SLC26A7: variants seen among roughly 807,000 people sequenced by gnomAD.
SLC26A7 encodes the protein anion exchange transporter.
Under a neutral mutation model 82.5 loss-of-function variants are expected in SLC26A7, and 59 were observed. The ratio of observed to expected loss-of-function variants is 0.72; its 90% CI spans 0.58 to 0.89. The LOEUF (loss-of-function observed/expected upper bound fraction) is 0.89. Ranked by LOEUF, SLC26A7 falls within the 40% of genes least tolerant of loss-of-function variation. The probability of loss-of-function intolerance (pLI) is 0.00; values close to 1 mark genes in which losing one functional copy is unlikely to be tolerated. For synonymous variants in SLC26A7, 271 were observed against 274.3 expected, an observed-to-expected ratio of 0.99 and a Z score of 0.12; for missense variants, 820 against 793.0, an observed-to-expected ratio of 1.03 and a Z score of -0.41.
intron 2 of SLC26A7, among the ~76,000 whole-genome samples, chr8:91,287,060 C>T (rs551071334): frequency 1.4e-3 from 209 of 151,756 alleles, no homozygotes; most frequent in African/African-American, 3.1e-3. Context: ...CCATTGAGGG[C>T]GAATGATATT....
At chr8:91,351,783 C>T (rs1813722733) in intron 9 of SLC26A7, 27 bp from the exon 10 acceptor site, 1 of 1,529,118 alleles carries the variant, frequency 6.5e-7, no homozygotes, top group Non-Finnish European at 9.0e-7. Flanking sequence ...CTTTCTTTTT[C>T]CTTTTTGTCT....
At chr8:91,302,818 C>CTTTTTTTTTTTTT (rs11333572) in intron 4 of SLC26A7, among the ~76,000 whole-genome samples, 2 of 129,632 alleles carry the variant, frequency 1.5e-5, no homozygotes, top group African/African-American at 5.8e-5. Flanking sequence ...TTCCCCTTCT[C>CTTTTTTTTTTTTT]TTTTTTTTTT....
chr8:91,334,811 A>G (rs763987638), intron 6 of SLC26A7, among the ~76,000 whole-genome samples: 75 of 152,130 alleles, frequency 4.9e-4, no homozygotes, highest in Non-Finnish European at 6.3e-4. Context: ...ATCATTTCCT[A>G]TTTATATGGC....
chr8:91,229,078 C>A (rs1323260816), intron 2 of SLC26A7, among the ~76,000 whole-genome samples: 1 of 152,160 alleles, frequency 6.6e-6, no homozygotes, highest in Non-Finnish European at 1.5e-5. Context: ...AAAGGGATTC[C>A]TTTAAAATGT....
At chr8:91,378,188 A>G (rs1386009018) in intron 15 of SLC26A7, among the ~76,000 whole-genome samples, 1 of 151,856 alleles carries the variant, frequency 6.6e-6, no homozygotes, top group Non-Finnish European at 1.5e-5. Flanking sequence ...AAAGGGAGCA[A>G]ACAAGGGAGG....
At chr8:91,327,204 TTTTG>T (rs1052033899) in intron 5 of SLC26A7, among the ~76,000 whole-genome samples, 3 of 152,046 alleles carry the variant, frequency 2.0e-5, no homozygotes, top group Admixed American at 6.6e-5. Context: ...TTTGCTTGTT[TTTTG>T]TTTGTTTGTT....
At chr8:91,343,521 A>G in intron 9 of SLC26A7, 55 bp downstream of exon 9, 2 of 1,210,714 alleles carry the variant, frequency 1.7e-6, no homozygotes, top group East Asian at 4.7e-5. Context: ...CTCCCATTCT[A>G]GGAGAGTGGG....
At chr8:91,385,118 T>C (rs1242827677) in intron 15 of SLC26A7, among the ~76,000 whole-genome samples, 1 of 152,172 alleles carries the variant, frequency 6.6e-6, no homozygotes, top group Non-Finnish European at 1.5e-5. Context: ...CCACACCTGA[T>C]GGTTAATTTC....
intron 4 of SLC26A7, among the ~76,000 whole-genome samples, chr8:91,312,996 C>T (rs964802081): frequency 3.9e-5 from 6 of 151,992 alleles, no homozygotes; most frequent in Admixed American, 6.6e-5. Context: ...AAAGTTTTCA[C>T]GAAGCCCAAT....
rs925851432 is a variant in SLC26A7 at position 91,393,712 on chromosome 8, A to G, written c.1777-85A>G. On this transcript the variant is annotated intron_variant, in intron 16 of 18. Coordinates refer to ENST00000276609, the MANE Select transcript of SLC26A7 (RefSeq NM_052832.4). ...CTTCGTAAACATCGGCTTTAAAGAA[A>G]GTTTGATTTCTTCTGAAGCCCATCT... 16 of 1,441,076 alleles carry G rather than the reference A, an allele frequency of 1.1e-5. No homozygotes were observed. In the Admixed American group the frequency reaches 2.9e-4, roughly 26 times the overall value. The allele number at this position is 1,441,076 out of a possible 1,614,324, so 89.3% of individuals were successfully genotyped here. A position where few individuals can be genotyped will look rare whatever the true frequency, so the allele number is the denominator to read the frequency against.
chr8:91,289,787 A>C (rs1811815134), intron 3 of SLC26A7, among the ~76,000 whole-genome samples: 2 of 152,234 alleles, frequency 1.3e-5, no homozygotes, highest in Admixed American at 6.5e-5. Context: ...ATGTGGACTA[A>C]ATGATGATCT....
At chr8:91,273,836 TCC>T (rs1419715009) in intron 2 of SLC26A7, among the ~76,000 whole-genome samples, 11 of 152,332 alleles carry the variant, frequency 7.2e-5, no homozygotes, top group South Asian at 6.2e-4. Flanking sequence ...ACATTAATTA[TCC>T]TATAAATTGC....
Position 91,395,355 on chromosome 8 carries a change from C to G in SLC26A7, c.*258C>G. 1 of 706,806 alleles carries G rather than the reference C, an allele frequency of 1.4e-6. No homozygotes were observed. Among genetic ancestry groups the G allele is most frequent in the Non-Finnish European group, 1.9e-6 (1 of 514,222 alleles). 43.8% of individuals were successfully genotyped at this position (706,806 alleles called of 1,614,324 possible). ...TAGTTTTAGTGTACTGAAGGGTAAA[C>G]ATGGTTTTATTTTATTTTACCATAT... On this transcript the variant is annotated 3_prime_UTR_variant, in exon 19 of 19. Coordinates refer to ENST00000276609, the MANE Select transcript of SLC26A7 (RefSeq NM_052832.4).
chr8:91,220,501 C>A (rs751042251), intron 2 of SLC26A7, among the ~76,000 whole-genome samples: 20 of 151,940 alleles, frequency 1.3e-4, no homozygotes, highest in Non-Finnish European at 2.8e-4. Flanking sequence ...CCCCTCCCCT[C>A]ATCCCCTATC....
intron 2 of SLC26A7, among the ~76,000 whole-genome samples, chr8:91,267,405 A>G (rs2130727975): frequency 6.6e-6 from 1 of 151,930 alleles, no homozygotes; most frequent in African/African-American, 2.4e-5. Flanking sequence ...TTCTTTGATG[A>G]GAAGAGTTTT....
chr8:91,226,565 G>GCC (rs1810242366), intron 2 of SLC26A7, among the ~76,000 whole-genome samples: 1 of 152,116 alleles, frequency 6.6e-6, no homozygotes, highest in Non-Finnish European at 1.5e-5. Flanking sequence ...TCACTTATTA[G>GCC]ATAAATATTA....
At chr8:91,385,586 T>C (rs1052442183) in intron 15 of SLC26A7, among the ~76,000 whole-genome samples, 3 of 152,214 alleles carry the variant, frequency 2.0e-5, no homozygotes, top group African/African-American at 7.2e-5. Context: ...CTTTACTTTA[T>C]TTTTATTTTT....
Position 91,352,909 on chromosome 8 carries a change from T to C in SLC26A7, c.1227T>C (p.Leu409=), listed in dbSNP as rs1813758647. The C allele has an allele frequency of 1.9e-6, 3 of 1,601,766 alleles. No homozygotes were observed. The East Asian group carries it at 6.8e-5, about 36-fold the overall frequency. ...PLLYWLPMCV[L]ASIIVVGLKG... ...TTACGTTTTATTTCTAGTGTGTCCT[T>C]GCAAGCATTATTGTTGTGGGACTGA... is the stretch of plus-strand genomic sequence containing the variant. Residue 409 remains leucine, a synonymous_variant, in exon 11 of 19, where the codon CTT becomes CTC. Transcript: ENST00000276609.
chr8:91,366,577 A>C lies in SLC26A7; in HGVS notation c.1489-3A>C, dbSNP rs768261970. 4 of 1,609,984 alleles carry C rather than the reference A, an allele frequency of 2.5e-6. No individual in the cohort carries two copies. In the South Asian group the frequency reaches 4.4e-5, roughly 18 times the overall value. On this transcript the variant is annotated splice_polypyrimidine_tract_variant and splice_region_variant and intron_variant, in intron 13 of 18. Coordinates refer to ENST00000276609, the MANE Select transcript of SLC26A7 (RefSeq NM_052832.4). ...TTCTGAATCTGTTTTTCTCCTCCAA[A>C]AGGAAACCCTGCAGCAGGTGAAAAT...
Sources: allele counts gnomAD v4.1 joint callset (sites outside exome capture counted in the v4.1 genomes callset), GRCh38; gene constraint gnomAD v4.1.1; transcripts MANE v1.5; gene names NCBI Gene and HGNC (gene_info 2026-07-23, HGNC 2026-07-21).